STK38L: variants seen among roughly 807,000 people sequenced by gnomAD.
STK38L encodes the protein serine/threonine-protein kinase 38-like.
Under a neutral mutation model 59.7 loss-of-function variants are expected in STK38L, and 28 were observed. The ratio of observed to expected loss-of-function variants is 0.47; its 90% CI spans 0.35 to 0.64. STK38L has a LOEUF of 0.64. Among genes scored for constraint, STK38L ranks in the 30% least tolerant of loss-of-function variants. STK38L has a pLI of 0.01. For synonymous variants in STK38L, 162 were observed against 176.8 expected (o/e 0.92, Z 0.66); for missense variants, 314 against 555.8 (o/e 0.56, Z 4.37).
At chr12:27,305,565 T>TA (rs1944291149) in intron 3 of STK38L, among the ~76,000 whole-genome samples, 22 of 152,174 alleles carry the variant, frequency 1.4e-4, no homozygotes, top group Admixed American at 1.4e-3. Context: ...GTGGGTTTGA[T>TA]AAAAAATAAA....
chr12:27,304,818 G>A (rs891964524), intron 3 of STK38L, among the ~76,000 whole-genome samples: 3 of 151,830 alleles, frequency 2.0e-5, no homozygotes, highest in Non-Finnish European at 4.4e-5. Flanking sequence ...TGGCCAGGTT[G>A]GTTTCATAGT....
chr12:27,280,684 G>C (rs569599182), intron 1 of STK38L, among the ~76,000 whole-genome samples: 2 of 152,326 alleles, frequency 1.3e-5, no homozygotes, highest in African/African-American at 4.8e-5. Flanking sequence ...GCCATTCAAC[G>C]TTGGTTAGTC....
intron 7 of STK38L, 29 bp from the exon 8 acceptor site, chr12:27,314,986 T>A: frequency 6.6e-7 from 1 of 1,525,442 alleles, no homozygotes; most frequent in South Asian, 1.2e-5. Context: ...AAAGTTAATA[T>A]GATCTAATTT....
intron 1 of STK38L, among the ~76,000 whole-genome samples, chr12:27,269,497 A>G (rs918194501): frequency 1.3e-5 from 2 of 152,196 alleles, no homozygotes; most frequent in Admixed American, 6.5e-5. Flanking sequence ...TTTTGGTACC[A>G]GTACCATGCT....
chr12:27,253,814 G>A (rs16931769), intron 1 of STK38L, among the ~76,000 whole-genome samples: 20,034 of 152,122 alleles, frequency 0.13, 1,506 homozygotes, highest in East Asian at 0.33. Flanking sequence ...CACAGGAACC[G>A]GAATTGTTGC....
intron 9 of STK38L, among the ~76,000 whole-genome samples, chr12:27,316,906 G>T (rs905421885): frequency 1.3e-5 from 2 of 152,086 alleles, no homozygotes; most frequent in African/African-American, 2.4e-5. Flanking sequence ...TGAATAATTT[G>T]CCCAAGAACA....
chr12:27,277,856 C>T (rs1219570377), intron 1 of STK38L, among the ~76,000 whole-genome samples: 1 of 152,044 alleles, frequency 6.6e-6, no homozygotes, highest in Non-Finnish European at 1.5e-5. Flanking sequence ...ATTTCTGACT[C>T]AGTAATTTTG....
At chr12:27,253,571 T>C (rs1943022807) in intron 1 of STK38L, among the ~76,000 whole-genome samples, 5 of 152,154 alleles carry the variant, frequency 3.3e-5, no homozygotes, top group Admixed American at 2.0e-4. Context: ...ACTGGAGAGC[T>C]ACATTCACAG....
intron 1 of STK38L, among the ~76,000 whole-genome samples, chr12:27,288,684 A>G (rs1393652248): frequency 6.6e-6 from 1 of 151,506 alleles, no homozygotes; most frequent in South Asian, 2.1e-4. Context: ...ATAATTAAAT[A>G]TGAATAACAT....
Position 27,324,620 on chromosome 12 carries a change from T to G in STK38L, c.*2165T>G, listed in dbSNP as rs969228225. ...AGAGCTTGCAAATAGTTTTACTTTCTTGGCACTGGAAGGGTAGTTCTGGAA... is the reference window on the plus strand; with the variant it reads ...AGAGCTTGCAAATAGTTTTACTTTCGTGGCACTGGAAGGGTAGTTCTGGAA... On this transcript the variant is annotated 3_prime_UTR_variant, in exon 14 of 14. Coordinates refer to ENST00000389032, the MANE Select transcript of STK38L (RefSeq NM_015000.4). 1.3e-5 allele frequency: 2 copies of G among 152,114 alleles called. No homozygotes were observed. The highest frequency in any genetic ancestry group is 2.4e-5 in the African/African-American group (1 of 41,460). The allele number at this position is 152,114 out of a possible 1,614,324, so 9.4% of individuals were successfully genotyped here. A position where few individuals can be genotyped will look rare whatever the true frequency, so the allele number is the denominator to read the frequency against.
rs951406160 is a variant in STK38L at position 27,322,319 on chromosome 12, T to C, written c.1268-9T>C. ...ACTAATGAAATTCCTTTATTTTTTC[T>C]CTTTCTAGTGCCAAATACCACAGAA... On this transcript the variant is annotated splice_polypyrimidine_tract_variant and intron_variant, in intron 13 of 13. Transcript: ENST00000389032. 6.2e-7 allele frequency: 1 copy of C among 1,613,146 alleles called. No individual in the cohort carries two copies. The highest frequency in any genetic ancestry group is 1.3e-5 in the African/African-American group (1 of 74,820).
At chr12:27,253,604 G>C (rs990281249) in intron 1 of STK38L, among the ~76,000 whole-genome samples, 1 of 152,186 alleles carries the variant, frequency 6.6e-6, no homozygotes, top group African/African-American at 2.4e-5. Context: ...CTGCAATCAG[G>C]CATAGCAGCT....
chr12:27,274,809 A>C (rs954621524), intron 1 of STK38L, among the ~76,000 whole-genome samples: 3 of 152,384 alleles, frequency 2.0e-5, no homozygotes, highest in Middle Eastern at 3.4e-3. Context: ...GATTACATAT[A>C]TAACTCACTA....
chr12:27,283,936 C>G (rs1304146106), intron 1 of STK38L, among the ~76,000 whole-genome samples: 1 of 152,046 alleles, frequency 6.6e-6, no homozygotes, highest in Non-Finnish European at 1.5e-5. Context: ...AAGTAGAGTC[C>G]CAGACTAAAT....
intron 1 of STK38L, among the ~76,000 whole-genome samples, chr12:27,260,444 C>T (rs1470503330): frequency 6.6e-6 from 1 of 152,152 alleles, no homozygotes; most frequent in Non-Finnish European, 1.5e-5. Context: ...TGTGAATTCT[C>T]ATGGGCATAA....
intron 1 of STK38L, among the ~76,000 whole-genome samples, chr12:27,262,143 C>T (rs1283993859): frequency 2.0e-5 from 3 of 151,840 alleles, no homozygotes; most frequent in Non-Finnish European, 4.4e-5. Context: ...CCATTTTTGA[C>T]GCTATTCATT....
At chr12:27,304,541 T>C (rs1392005984) in intron 3 of STK38L, among the ~76,000 whole-genome samples, 2 of 152,166 alleles carry the variant, frequency 1.3e-5, no homozygotes, top group Non-Finnish European at 2.9e-5. Flanking sequence ...AGCTCATTTA[T>C]GTCCTTTAAA....
chr12:27,269,061 C>T (rs1943362470), intron 1 of STK38L, among the ~76,000 whole-genome samples: 1 of 152,118 alleles, frequency 6.6e-6, no homozygotes. Flanking sequence ...TTTTCCCATT[C>T]TGTAGGTTGC....
chr12:27,293,160 T>C (rs867282968), intron 1 of STK38L, among the ~76,000 whole-genome samples: 1 of 152,224 alleles, frequency 6.6e-6, no homozygotes, highest in Non-Finnish European at 1.5e-5. Flanking sequence ...TTGTTTGGAA[T>C]TGTTTTGAAT....
Sources: allele counts gnomAD v4.1 joint callset (sites outside exome capture counted in the v4.1 genomes callset), GRCh38; gene constraint gnomAD v4.1.1; transcripts MANE v1.5; gene names NCBI Gene and HGNC (gene_info 2026-07-23, HGNC 2026-07-21).